Variants in FUT8 observed in about 807,000 individuals in gnomAD.
FUT8 encodes alpha-(1,6)-fucosyltransferase.
A neutral mutation model predicts 71.3 loss-of-function variants in FUT8; 29 were observed. The observed-to-expected ratio is 0.41, with a 90% CI of 0.30 to 0.55. The LOEUF (loss-of-function observed/expected upper bound fraction) is 0.55, where lower values mean the gene tolerates loss of function less well. Among genes scored for constraint, FUT8 ranks in the 20% least tolerant of loss-of-function variants. The pLI, the probability that FUT8 is intolerant of heterozygous loss-of-function variation, is 0.34. For synonymous variants in FUT8, 254 were observed against 239.3 expected, an observed-to-expected ratio of 1.06 and a Z score of -0.57; for missense variants, 544 against 702.1, an observed-to-expected ratio of 0.77 and a Z score of 2.55.
intron 10 of FUT8, among the ~76,000 whole-genome samples, chr14:65,736,841 G>A (rs554589710): frequency 2.0e-5 from 3 of 152,072 alleles, no homozygotes; most frequent in Non-Finnish European, 2.9e-5. Context: ...ATGTTAGGAA[G>A]TGATCCAAGT....
intron 3 of FUT8, among the ~76,000 whole-genome samples, chr14:65,573,423 G>A (rs923644823): frequency 6.6e-6 from 1 of 151,732 alleles, no homozygotes; most frequent in African/African-American, 2.4e-5. Context: ...TAATACATGT[G>A]CAAGACTTCT....
At chr14:65,651,220 T>C (rs940144265) in intron 6 of FUT8, among the ~76,000 whole-genome samples, 7 of 152,230 alleles carry the variant, frequency 4.6e-5, no homozygotes, top group African/African-American at 1.7e-4. Context: ...GTGTTTGAAA[T>C]CCTGGGCAGA....
chr14:65,655,034 G>A (rs1407491149), intron 6 of FUT8, among the ~76,000 whole-genome samples: 1 of 151,906 alleles, frequency 6.6e-6, no homozygotes, highest in Admixed American at 6.6e-5. Context: ...TTATAGGCGT[G>A]AGCCACTGTG....
intron 1 of FUT8, among the ~76,000 whole-genome samples, chr14:65,427,928 A>G (rs2065414534): frequency 6.6e-6 from 1 of 152,186 alleles, no homozygotes; most frequent in Admixed American, 6.5e-5. Flanking sequence ...GGAATCATAC[A>G]ATAGTGTAGT....
chr14:65,540,907 T>A (rs1884641472), intron 2 of FUT8, among the ~76,000 whole-genome samples: 1 of 152,236 alleles, frequency 6.6e-6, no homozygotes, highest in African/African-American at 2.4e-5. Flanking sequence ...CAATGACATT[T>A]GTACAACTAG....
In FUT8 at chr14:65,648,934, A is replaced by G. The variant is rs548060725; in HGVS notation, c.597+19328A>G. Among the ~76,000 whole-genome samples the G allele has an allele frequency of 3.9e-5, 6 of 152,328 alleles. No homozygotes were observed. In the South Asian group the frequency reaches 1.2e-3, roughly 32 times the overall value. On this transcript the variant is annotated intron_variant, in intron 6 of 10. Transcript: ENST00000673929. The stretch of plus-strand genomic sequence containing the variant: ...GATGCAAATGCAAAAGGAACCATAC[A>G]GATTTCAATTTGGAGAAGTAGGGAG...
chr14:65,384,984 C>T, the FUT8 span, among the ~76,000 whole-genome samples: 17 of 151,968 alleles, frequency 1.1e-4, no homozygotes, highest in South Asian at 2.1e-4. This position sits in a 1 kb window ranked among gnomAD's most constrained non-coding sequence, Gnocchi z 4.2. Flanking sequence ...CTCCACTGCC[C>T]GGGTTCAAGC....
intron 7 of FUT8, among the ~76,000 whole-genome samples, chr14:65,694,035 G>A (rs1893854460): frequency 7.9e-6 from 1 of 127,186 alleles, no homozygotes; most frequent in Non-Finnish European, 2.0e-5. Flanking sequence ...AGTTGTTGTG[G>A]CCTGTCTTTT....
chr14:65,472,574 A>C lies in FUT8; in HGVS notation c.-228+16856A>C, dbSNP rs901314428. On this transcript the variant is annotated intron_variant, in intron 2 of 10. Transcript: ENST00000673929. This position sits in a 1 kb window ranked among gnomAD's most constrained non-coding sequence, Gnocchi z 4.4. ...ATATTCTTATACTGTAAAAAAAAAAACAACTTTATTTTTATAGCCTTTTTG... is the reference window on the plus strand; with the variant it reads ...ATATTCTTATACTGTAAAAAAAAAACCAACTTTATTTTTATAGCCTTTTTG... Among the ~76,000 whole-genome samples, 19 of 152,248 alleles carry C rather than the reference A, an allele frequency of 1.2e-4. No individual in the cohort carries two copies. Among genetic ancestry groups the C allele is most frequent in the South Asian group, 4.1e-4 (2 of 4,828 alleles).
the FUT8 span, among the ~76,000 whole-genome samples, chr14:65,403,586 G>T: frequency 6.6e-6 from 1 of 152,204 alleles, no homozygotes; most frequent in Non-Finnish European, 1.5e-5. Flanking sequence ...TTTGGTTAGA[G>T]TTAGTGTTTT....
intron 7 of FUT8, among the ~76,000 whole-genome samples, chr14:65,700,129 C>G (rs975355427): frequency 2.6e-5 from 4 of 152,050 alleles, no homozygotes; most frequent in Non-Finnish European, 5.9e-5. Flanking sequence ...GCACTGAAGC[C>G]TAAGAAGAGC....
At chr14:65,612,947 C>G (rs2140210823) in intron 3 of FUT8, among the ~76,000 whole-genome samples, 1 of 152,148 alleles carries the variant, frequency 6.6e-6, no homozygotes, top group Non-Finnish European at 1.5e-5. Context: ...AGAAAAGAGA[C>G]TGTTCGTGCA....
intron 6 of FUT8, among the ~76,000 whole-genome samples, chr14:65,666,917 CA>C (rs535359189): frequency 5.9e-5 from 9 of 152,160 alleles, no homozygotes; most frequent in African/African-American, 1.9e-4. Context: ...GAACTAAAAA[CA>C]AAAAAATTAT....
At chr14:65,572,420 G>A (rs1886527793) in intron 3 of FUT8, among the ~76,000 whole-genome samples, 2 of 152,172 alleles carry the variant, frequency 1.3e-5, no homozygotes, top group African/African-American at 2.4e-5. Flanking sequence ...AGACAGAGAA[G>A]TACAGTTAAA....
intron 3 of FUT8, among the ~76,000 whole-genome samples, chr14:65,600,444 C>T (rs551442113): frequency 6.6e-6 from 1 of 152,154 alleles, no homozygotes; most frequent in East Asian, 1.9e-4. Flanking sequence ...AGAATAGTGC[C>T]CTCACAGATT....
At chr14:65,688,309 C>CT (rs1327932187) in intron 7 of FUT8, among the ~76,000 whole-genome samples, 2 of 151,964 alleles carry the variant, frequency 1.3e-5, no homozygotes, top group Non-Finnish European at 2.9e-5. Flanking sequence ...CACAATTTTG[C>CT]TTTTTCCAGA....
chr14:65,386,719 T>G, the FUT8 span, among the ~76,000 whole-genome samples: 1 of 152,094 alleles, frequency 6.6e-6, no homozygotes, highest in East Asian at 1.9e-4. Context: ...TTTTTCCTCA[T>G]TATGGATTAT....
chr14:65,414,273 GA>G (rs1247979697), intron 1 of FUT8, among the ~76,000 whole-genome samples: 1 of 151,868 alleles, frequency 6.6e-6, no homozygotes, highest in Non-Finnish European at 1.5e-5. Context: ...TTTCATTATA[GA>G]TTTTTTTTTT....
intron 5 of FUT8, chr14:65,617,008 C>T: frequency 6.9e-7 from 1 of 1,458,382 alleles, no homozygotes; most frequent in South Asian, 1.4e-5. Context: ...TCATGCAGAA[C>T]AAAATGTATC....
Sources: allele counts gnomAD v4.1 joint callset (sites outside exome capture counted in the v4.1 genomes callset), GRCh38; gene constraint gnomAD v4.1.1; non-coding constraint Gnocchi (gnomAD v3.1); transcripts MANE v1.5; gene names NCBI Gene and HGNC (gene_info 2026-07-23, HGNC 2026-07-21).